The following SLC25A53 variants were observed in gnomAD, a reference collection of about 807,000 sequenced individuals.
SLC25A53 encodes the protein solute carrier family 25 member 53.
Under a neutral mutation model 15.0 loss-of-function variants are expected in SLC25A53, and 5 were observed. The observed-to-expected ratio is 0.33, with a 90% CI of 0.17 to 0.70. The LOEUF (loss-of-function observed/expected upper bound fraction) is 0.70, where lower values mean the gene tolerates loss of function less well. SLC25A53 is among the 30% of genes least tolerant of loss of function. The pLI, the probability that SLC25A53 is intolerant of heterozygous loss-of-function variation, is 0.67. For missense variants in SLC25A53, 216 were observed against 241.6 expected (o/e 0.89, Z 0.70); for synonymous variants, 95 against 100.0 (o/e 0.95, Z 0.30).
intron 1 of SLC25A53, among the ~76,000 whole-genome samples, chrX:104,129,580 TG>T (rs199945442): frequency 0.039 from 4,302 of 110,313 alleles, 183 homozygotes; most frequent in African/African-American, 0.13. Context: ...TAACCTCAGC[TG>T]GGAACACTGA....
At chrX:104,127,845 T>A (rs1003702646) in intron 1 of SLC25A53, among the ~76,000 whole-genome samples, 2 of 111,171 alleles carry the variant, frequency 1.8e-5, no homozygotes, top group African/African-American at 6.6e-5. Context: ...ATGCCTGTAA[T>A]CCCAGCTACT....
intron 1 of SLC25A53, among the ~76,000 whole-genome samples, chrX:104,106,215 G>C (rs1298167976): frequency 3.6e-5 from 4 of 110,906 alleles, no homozygotes; most frequent in South Asian, 3.8e-4. Context: ...CCAAACTATT[G>C]CTCCTTACCC....
At chrX:104,146,913 A>G (rs1219320019) in intron 1 of SLC25A53, among the ~76,000 whole-genome samples, 1 of 111,601 alleles carries the variant, frequency 9.0e-6, no homozygotes, top group Non-Finnish European at 1.9e-5. Context: ...ATCCCCATCA[A>G]GCTACCAATG....
At chrX:104,129,947 A>AACT (rs1380025694) in intron 1 of SLC25A53, among the ~76,000 whole-genome samples, 1 of 108,178 alleles carries the variant, frequency 9.2e-6, no homozygotes, top group Non-Finnish European at 1.9e-5. Flanking sequence ...GATGATAAGT[A>AACT]TATGGGGATT....
At chrX:104,143,188 C>T (rs781960708) in intron 1 of SLC25A53, among the ~76,000 whole-genome samples, 5 of 107,587 alleles carry the variant, frequency 4.6e-5, no homozygotes, top group African/African-American at 1.5e-4. Context: ...ACCAGAACGC[C>T]TCTTCTCCTT....
At position 104,100,795 on chromosome X, in the gene SLC25A53, C is replaced by T. The variant is rs2075276917; in HGVS notation, c.*3539G>A. On this transcript the variant is annotated 3_prime_UTR_variant, in exon 2 of 2. Coordinates refer to ENST00000594199, the MANE Select transcript of SLC25A53 (RefSeq NM_001012755.5). ...AAATACCCAAACTTTTTGCATTGCTCTTACACCACGGCAATCAGCACAGAA... is the reference window on the plus strand; with the variant it reads ...AAATACCCAAACTTTTTGCATTGCTTTTACACCACGGCAATCAGCACAGAA... 1 of 112,243 alleles carries T rather than the reference C, an allele frequency of 8.9e-6. No homozygotes were observed. Among genetic ancestry groups the T allele is most frequent in the African/African-American group, 3.2e-5 (1 of 30,869 alleles). 9.3% of individuals were successfully genotyped at this position (112,243 alleles called of 1,213,427 possible).
chrX:104,124,377 G>T (rs1302671571), intron 1 of SLC25A53, among the ~76,000 whole-genome samples: 1 of 111,755 alleles, frequency 8.9e-6, no homozygotes, highest in Non-Finnish European at 1.9e-5. Context: ...AGAAGTGTCT[G>T]TTCGTATCTT....
chrX:104,139,378 G>A (rs1268583047), intron 1 of SLC25A53, among the ~76,000 whole-genome samples: 62 of 112,230 alleles, frequency 5.5e-4, no homozygotes, highest in African/African-American at 1.9e-3. Flanking sequence ...TTAGCTGGGC[G>A]TGGTGGCACA....
chrX:104,147,631 G>A (rs2075472012), intron 1 of SLC25A53, among the ~76,000 whole-genome samples: 1 of 108,591 alleles, frequency 9.2e-6, no homozygotes, highest in South Asian at 4.0e-4. Flanking sequence ...CCATCAAAAA[G>A]TGGGCAAAGG....
intron 1 of SLC25A53, among the ~76,000 whole-genome samples, chrX:104,130,325 G>T (rs2075422566): frequency 9.0e-6 from 1 of 111,473 alleles, no homozygotes; most frequent in African/African-American, 3.3e-5. Context: ...AGCTGACTCT[G>T]TGGAAGTGTG....
chrX:104,141,742 C>A (rs2075451264), intron 1 of SLC25A53, among the ~76,000 whole-genome samples: 1 of 110,862 alleles, frequency 9.0e-6, no homozygotes. Context: ...CATGCACCAC[C>A]ACGCCTGGCT....
intron 1 of SLC25A53, among the ~76,000 whole-genome samples, chrX:104,147,662 A>G (rs1462401152): frequency 1.8e-5 from 2 of 111,209 alleles, no homozygotes; most frequent in Non-Finnish European, 3.8e-5. Flanking sequence ...ACACTTCTCA[A>G]AAGAAGACAT....
chrX:104,142,938 A>G (rs1465459782), intron 1 of SLC25A53, among the ~76,000 whole-genome samples: 3 of 108,022 alleles, frequency 2.8e-5, no homozygotes, highest in African/African-American at 6.7e-5. Context: ...AAAAAAAAAA[A>G]AAGAAGGCGG....
At chrX:104,140,747 T>C (rs1353287647) in intron 1 of SLC25A53, among the ~76,000 whole-genome samples, 2 of 111,683 alleles carry the variant, frequency 1.8e-5, no homozygotes, top group Admixed American at 9.5e-5. Context: ...AGAAACAGTC[T>C]GGCAGGGACA....
At chrX:104,129,860 A>ATGTG (rs60729916) in intron 1 of SLC25A53, among the ~76,000 whole-genome samples, 2,398 of 89,932 alleles carry the variant, frequency 0.027, 55 homozygotes, top group East Asian at 0.15. Context: ...ACACAAATGT[A>ATGTG]TGTGTGTGTG....
At chrX:104,153,264 T>TA (rs2075490881) in intron 1 of SLC25A53, among the ~76,000 whole-genome samples, 4 of 74,704 alleles carry the variant, frequency 5.4e-5, no homozygotes, top group Admixed American at 1.3e-4. Context: ...ATATATATAT[T>TA]TTTTTTTTCT....
At chrX:104,145,185 A>G in intron 1 of SLC25A53, among the ~76,000 whole-genome samples, 1 of 112,206 alleles carries the variant, frequency 8.9e-6, no homozygotes, top group Non-Finnish European at 1.9e-5. Flanking sequence ...ATACATGGAA[A>G]CTAAACAACC....
intron 1 of SLC25A53, among the ~76,000 whole-genome samples, chrX:104,118,503 G>A (rs1556361980): frequency 8.9e-6 from 1 of 112,791 alleles, no homozygotes; most frequent in East Asian, 2.8e-4. Context: ...TACATGCCAG[G>A]CACCCAGTGC....
At chrX:104,113,753 T>A in intron 1 of SLC25A53, 1 of 185,866 alleles carries the variant, frequency 5.4e-6, no homozygotes, top group East Asian at 1.3e-4. Context: ...GCAACAGTTG[T>A]CGCCCCTCCT....
Sources: allele counts gnomAD v4.1 joint callset (sites outside exome capture counted in the v4.1 genomes callset), GRCh38; gene constraint gnomAD v4.1.1; transcripts MANE v1.5; gene names NCBI Gene and HGNC (gene_info 2026-07-23, HGNC 2026-07-21).